The following IPO5 variants were observed in gnomAD, a reference collection of about 807,000 sequenced individuals.
IPO5 encodes the protein importin 5, also known as importin-5.
In IPO5, 18 loss-of-function variants were observed where a neutral mutation model predicts 143.3. The observed-to-expected ratio is 0.13, with a 90% confidence interval of 0.09 to 0.19. The LOEUF is 0.19. IPO5 is among the 10% of genes least tolerant of loss of function. IPO5 has a pLI of 1.00. For missense variants in IPO5, 1,013 were observed against 1,336.9 expected, an observed-to-expected ratio of 0.76 and a Z score of 3.78; for synonymous variants, 477 against 465.7, an observed-to-expected ratio of 1.02 and a Z score of -0.31.
intron 4 of IPO5, among the ~76,000 whole-genome samples, chr13:97,978,852 C>G (rs1886608945): frequency 6.6e-6 from 1 of 152,150 alleles, no homozygotes; most frequent in Non-Finnish European, 1.5e-5. Flanking sequence ...ACTTACATCA[C>G]TTTGGGGATA....
chr13:98,000,693 T>G (rs774214833), intron 13 of IPO5, 48 bp downstream of exon 13: 14 of 1,250,536 alleles, frequency 1.1e-5, no homozygotes, highest in Non-Finnish European at 1.7e-5. Flanking sequence ...GTGCCCTTTC[T>G]AAAGCTTAAA....
chr13:97,977,345 G>T (rs1401137410), intron 4 of IPO5, among the ~76,000 whole-genome samples: 1 of 152,044 alleles, frequency 6.6e-6, no homozygotes, highest in Non-Finnish European at 1.5e-5. Context: ...TCTCATTCTA[G>T]TTCCTAACAT....
intron 22 of IPO5, among the ~76,000 whole-genome samples, chr13:98,015,158 C>T (rs374653836): frequency 3.9e-5 from 6 of 151,926 alleles, no homozygotes; most frequent in African/African-American, 1.5e-4. Context: ...TTTATTTCTT[C>T]TACCTCTAAT....
intron 1 of IPO5, 114 bp from the exon 2 acceptor site, chr13:97,954,005 T>C (rs1292236931): frequency 2.3e-6 from 1 of 431,304 alleles, no homozygotes; most frequent in Non-Finnish European, 4.7e-6. Flanking sequence ...ACTAACTCTG[T>C]ATCCTTAAGG....
intron 20 of IPO5, 72 bp downstream of exon 20, chr13:98,010,296 G>C: frequency 7.4e-7 from 1 of 1,356,858 alleles, no homozygotes. Flanking sequence ...GCTTTTAATA[G>C]CTGCTAAAGA....
chr13:98,008,844 CAAT>C (rs1238868910), intron 18 of IPO5, among the ~76,000 whole-genome samples: 1 of 152,164 alleles, frequency 6.6e-6, no homozygotes, highest in Non-Finnish European at 1.5e-5. Flanking sequence ...ACAAGGCACT[CAAT>C]AAATAATTGT....
At chr13:97,955,271 T>A (rs1257077148) in intron 2 of IPO5, among the ~76,000 whole-genome samples, 1 of 151,546 alleles carries the variant, frequency 6.6e-6, no homozygotes, top group African/African-American at 2.4e-5. Flanking sequence ...AAATACCTTA[T>A]AAAGTTCATG....
At chr13:98,011,302 G>C (rs1489010396) in intron 20 of IPO5, among the ~76,000 whole-genome samples, 2 of 151,498 alleles carry the variant, frequency 1.3e-5, no homozygotes, top group Non-Finnish European at 2.9e-5. Flanking sequence ...TGTTTGTTTT[G>C]CTTTTTGAAA....
intron 18 of IPO5, 52 bp downstream of exon 18, chr13:98,008,194 AC>A: frequency 9.5e-7 from 1 of 1,049,316 alleles, no homozygotes. Flanking sequence ...TGTGGACAGC[AC>A]ATGGTTCAAT....
chr13:97,996,764 G>A (rs750001776), intron 11 of IPO5, among the ~76,000 whole-genome samples: 4 of 151,896 alleles, frequency 2.6e-5, no homozygotes, highest in Non-Finnish European at 5.9e-5. Flanking sequence ...CACCACACCC[G>A]GCTAATTTTT....
intron 12 of IPO5, among the ~76,000 whole-genome samples, chr13:98,000,084 A>G (rs1273867260): frequency 6.6e-6 from 1 of 152,124 alleles, no homozygotes; most frequent in Non-Finnish European, 1.5e-5. Flanking sequence ...GGAGATCAAG[A>G]CAATCCTGGC....
At chr13:97,997,680 C>A in intron 12 of IPO5, 62 bp downstream of exon 12, 1 of 928,932 alleles carries the variant, frequency 1.1e-6, no homozygotes, top group Non-Finnish European at 1.7e-6. Context: ...TCCATCTCTT[C>A]ACTATTGCAC....
Position 98,018,928 on chromosome 13 carries a change from TTC to T in IPO5, c.2836+228_2836+229del, listed in dbSNP as rs1307962482. On this transcript the variant is annotated intron_variant, in intron 26 of 28. Coordinates refer to ENST00000651721, the MANE Select transcript of IPO5 (RefSeq NM_002271.6). ...CTGCCCCCAGCCTTCCAGGGTGCAT[TTC>T]TCTTTGCGTTTTGGCAATATACAAC... 5.9e-5 allele frequency among the ~76,000 whole-genome samples: 9 copies of T among 152,224 alleles called. No individual in the cohort carries two copies. The East Asian group carries it at 1.7e-3, about 29-fold the overall frequency.
At chr13:98,017,607 C>T (rs1890212503) in intron 25 of IPO5, among the ~76,000 whole-genome samples, 1 of 151,320 alleles carries the variant, frequency 6.6e-6, no homozygotes, top group East Asian at 2.0e-4. Context: ...CCTACGCTTC[C>T]TATTTTAAAG....
intron 6 of IPO5, chr13:97,987,989 G>T: frequency 3.3e-6 from 1 of 303,202 alleles, no homozygotes; most frequent in Non-Finnish European, 7.3e-6. Context: ...TCCCCTCAAA[G>T]CATCATCTTT....
chr13:97,958,884 A>C (rs2139474767), intron 2 of IPO5, among the ~76,000 whole-genome samples: 2 of 151,882 alleles, frequency 1.3e-5, no homozygotes, highest in East Asian at 3.9e-4. Context: ...AAGTCACACT[A>C]CAAGAGGCAG....
In IPO5 at chr13:98,003,648, G is replaced by A. The variant is rs556465413; in HGVS notation, c.1497+611G>A. Among the ~76,000 whole-genome samples the A allele has an allele frequency of 9.8e-4, 149 of 152,174 alleles. 2 individuals carry two copies. The highest frequency in any genetic ancestry group is 1.8e-3 in the Non-Finnish European group (122 of 67,992). ...GTGGATCACCTGAGGTCAGGAGTTC[G>A]AGACCAGCCTGGCCAACATGGTGAA... On this transcript the variant is annotated intron_variant, in intron 16 of 28. Coordinates refer to ENST00000651721, the MANE Select transcript of IPO5 (RefSeq NM_002271.6).
rs577628539 is a variant in IPO5 at position 97,980,596 on chromosome 13, G to A, written c.91-1907G>A. ...TGTAATCCCAGCACTTTGGGAGGCC[G>A]AGGCAGGTGGATCACGAGGTCGGGA... On this transcript the variant is annotated intron_variant, in intron 4 of 28. Coordinates refer to ENST00000651721, the MANE Select transcript of IPO5 (RefSeq NM_002271.6). Among the ~76,000 whole-genome samples the A allele has an allele frequency of 1.6e-4, 24 of 152,216 alleles. No homozygotes were observed. In the East Asian group the frequency reaches 3.5e-3, roughly 22 times the overall value.
chr13:97,976,808 G>A (rs373829902), intron 4 of IPO5, 22 bp downstream of exon 4: 2 of 1,173,120 alleles, frequency 1.7e-6, no homozygotes, highest in Non-Finnish European at 2.3e-6. Flanking sequence ...CGCCGCCCCA[G>A]TCTTCGCGCC....
Sources: allele counts gnomAD v4.1 joint callset (sites outside exome capture counted in the v4.1 genomes callset), GRCh38; gene constraint gnomAD v4.1.1; transcripts MANE v1.5; gene names NCBI Gene and HGNC (gene_info 2026-07-23, HGNC 2026-07-21).